Variants in WWOX observed in about 807,000 individuals in gnomAD.
WWOX encodes WW domain-containing oxidoreductase.
Under a neutral mutation model 46.2 loss-of-function variants are expected in WWOX, and 69 were observed. The observed-to-expected ratio is 1.49, with a 90% CI of 1.23 to 1.82. The LOEUF is 1.82. WWOX is among the 40% of genes most tolerant of loss of function. The pLI, the probability that WWOX is intolerant of heterozygous loss-of-function variation, is 0.00. For missense variants in WWOX, 919 were observed against 542.6 expected (o/e 1.69, Z -6.89); for synonymous variants, 359 against 202.6 (o/e 1.77, Z -6.56).
intron 8 of WWOX, among the ~76,000 whole-genome samples, chr16:78,435,458 C>G (rs142946250): frequency 6.6e-6 from 1 of 152,174 alleles, no homozygotes; most frequent in Non-Finnish European, 1.5e-5. Flanking sequence ...TGGGAGCAGC[C>G]TTGGGTAAAA....
intron 4 of WWOX, among the ~76,000 whole-genome samples, chr16:78,152,035 A>G (rs1597274542): frequency 6.6e-6 from 1 of 152,196 alleles, no homozygotes; most frequent in East Asian, 1.9e-4. Flanking sequence ...CTAAAAATAC[A>G]AAAAATTAGC....
At chr16:78,979,159 G>A (rs761370880) in intron 8 of WWOX, among the ~76,000 whole-genome samples, 1 of 137,482 alleles carries the variant, frequency 7.3e-6, no homozygotes, top group Admixed American at 7.6e-5. Flanking sequence ...GTCTTATCTT[G>A]TTTTATGCTA....
chr16:78,315,056 T>G (rs1473813399), intron 5 of WWOX, among the ~76,000 whole-genome samples: 1 of 152,206 alleles, frequency 6.6e-6, no homozygotes, highest in Non-Finnish European at 1.5e-5. Flanking sequence ...CCACCATCTA[T>G]CAATCATCTA....
chr16:78,557,967 G>A (rs1039396989), intron 8 of WWOX, among the ~76,000 whole-genome samples: 4 of 152,102 alleles, frequency 2.6e-5, no homozygotes, highest in African/African-American at 9.7e-5. Flanking sequence ...AAAGTGCAGA[G>A]CAGGAATTTC....
chr16:78,853,234 T>G (rs1420767987), intron 8 of WWOX, among the ~76,000 whole-genome samples: 1 of 152,172 alleles, frequency 6.6e-6, no homozygotes, highest in Non-Finnish European at 1.5e-5. Context: ...TCTTTTTTGT[T>G]TTTTCTGAGA....
intron 8 of WWOX, among the ~76,000 whole-genome samples, chr16:78,883,041 C>T (rs961742735): frequency 7.2e-5 from 11 of 152,128 alleles, no homozygotes; most frequent in African/African-American, 2.4e-4. Flanking sequence ...GGCTTGAGGA[C>T]AGGAAGCACC....
At chr16:78,192,631 C>T (rs12918748) in intron 5 of WWOX, among the ~76,000 whole-genome samples, 20,775 of 152,020 alleles carry the variant, frequency 0.14, 1,744 homozygotes, top group Non-Finnish European at 0.19. Context: ...TTACTGGTGT[C>T]TTCTTACCGT....
At chr16:78,435,526 G>A (rs775757817) in intron 8 of WWOX, among the ~76,000 whole-genome samples, 2 of 152,214 alleles carry the variant, frequency 1.3e-5, no homozygotes, top group South Asian at 4.1e-4. Flanking sequence ...GAAAATGAGT[G>A]TGTAGCTCAT....
chr16:78,746,231 C>T (rs1464406804), intron 8 of WWOX, among the ~76,000 whole-genome samples: 25 of 152,210 alleles, frequency 1.6e-4, no homozygotes, highest in Non-Finnish European at 7.3e-5. Context: ...AGCATGGTGG[C>T]TCACACCTGT....
chr16:79,150,764 C>G (rs1254410953), intron 8 of WWOX, among the ~76,000 whole-genome samples: 1 of 152,162 alleles, frequency 6.6e-6, no homozygotes, highest in Non-Finnish European at 1.5e-5. Flanking sequence ...CCTTTGGCCT[C>G]CTGGGTAGCC....
At chr16:78,773,149 C>T (rs533453448) in intron 8 of WWOX, among the ~76,000 whole-genome samples, 14 of 152,276 alleles carry the variant, frequency 9.2e-5, no homozygotes, top group East Asian at 1.9e-4. Flanking sequence ...GGGACTTTGA[C>T]GATTTTGTCG....
chr16:78,624,212 T>A (rs1464638560), intron 8 of WWOX, among the ~76,000 whole-genome samples: 1 of 151,674 alleles, frequency 6.6e-6, no homozygotes, highest in Non-Finnish European at 1.5e-5. Flanking sequence ...TAATCTTTTT[T>A]TTTTTTTTTT....
intron 8 of WWOX, among the ~76,000 whole-genome samples, chr16:78,760,235 T>C (rs1369159179): frequency 6.6e-6 from 1 of 152,134 alleles, no homozygotes; most frequent in Non-Finnish European, 1.5e-5. Flanking sequence ...TTAGATCTCA[T>C]GAGACTTATT....
chr16:78,307,827 C>G (rs970035767), intron 5 of WWOX, among the ~76,000 whole-genome samples: 1 of 152,084 alleles, frequency 6.6e-6, no homozygotes, highest in African/African-American at 2.4e-5. Flanking sequence ...TACTCTTCTC[C>G]TTTTACTGAA....
At chr16:78,893,191 T>C (rs1215355696) in intron 8 of WWOX, among the ~76,000 whole-genome samples, 1 of 146,582 alleles carries the variant, frequency 6.8e-6, no homozygotes, top group East Asian at 2.0e-4. Flanking sequence ...TGACTATAGC[T>C]AGAAAAAAAA....
chr16:78,377,111 G>C (rs1043680608), intron 5 of WWOX, among the ~76,000 whole-genome samples: 1 of 152,192 alleles, frequency 6.6e-6, no homozygotes, highest in Admixed American at 6.5e-5. Context: ...TGCTTAACAA[G>C]TTTCATTAAG....
intron 6 of WWOX, among the ~76,000 whole-genome samples, chr16:78,419,625 C>CAAAAAAAAAAAAAAAAA (rs60762734): frequency 6.9e-4 from 31 of 44,668 alleles, no homozygotes; most frequent in African/African-American, 1.4e-3. Flanking sequence ...CAAAAAATAG[C>CAAAAAAAAAAAAAAAAA]AAAAAAAAAA....
chr16:78,820,807 C>A (rs2051472973), intron 8 of WWOX, among the ~76,000 whole-genome samples: 1 of 152,134 alleles, frequency 6.6e-6, no homozygotes, highest in Non-Finnish European at 1.5e-5. Flanking sequence ...CTTCTGGAAG[C>A]TATGAGGGAG....
At chr16:79,104,815 C>T (rs559114996) in intron 8 of WWOX, among the ~76,000 whole-genome samples, 5 of 152,078 alleles carry the variant, frequency 3.3e-5, no homozygotes, top group African/African-American at 4.8e-5. Context: ...GATTTCAGGA[C>T]GTTGAAATAC....
Sources: gnomAD v4.1 joint callset for allele counts (sites outside exome capture counted in the v4.1 genomes callset) on GRCh38, gnomAD v4.1.1 for gene constraint, MANE v1.5 for transcripts, NCBI Gene and HGNC (gene_info 2026-07-23, HGNC 2026-07-21) for gene names.